The following FARSB variants were observed in gnomAD, a reference collection of about 807,000 sequenced individuals.
FARSB encodes the protein phenylalanine--tRNA ligase beta subunit.
In FARSB, 40 loss-of-function variants were observed where a neutral mutation model predicts 69.6. That is an observed-to-expected ratio of 0.57 (90% confidence interval 0.45 to 0.75). The LOEUF (loss-of-function observed/expected upper bound fraction) is 0.75, where lower values mean the gene tolerates loss of function less well. Ranked by LOEUF, FARSB falls within the 30% of genes least tolerant of loss-of-function variation. The probability of loss-of-function intolerance (pLI) is 0.00; values close to 1 mark genes in which losing one functional copy is unlikely to be tolerated. For synonymous variants in FARSB, 235 were observed against 247.2 expected, an observed-to-expected ratio of 0.95 and a Z score of 0.46; for missense variants, 632 against 722.9, an observed-to-expected ratio of 0.87 and a Z score of 1.44.
intron 1 of FARSB, among the ~76,000 whole-genome samples, chr2:222,652,738 T>C (rs1692070558): frequency 6.6e-6 from 1 of 152,206 alleles, no homozygotes; most frequent in Non-Finnish European, 1.5e-5. Context: ...TGCAATCTGG[T>C]AACAGATCCA....
intron 14 of FARSB, among the ~76,000 whole-genome samples, chr2:222,615,124 T>C (rs1203372999): frequency 4.6e-5 from 7 of 152,214 alleles, no homozygotes; most frequent in Non-Finnish European, 7.3e-5. Context: ...TCCTGCTTTG[T>C]CTGTAAAACA....
chr2:222,587,176 T>C (rs1690137877), intron 16 of FARSB, among the ~76,000 whole-genome samples: 1 of 152,160 alleles, frequency 6.6e-6, no homozygotes, highest in Non-Finnish European at 1.5e-5. Flanking sequence ...CACAGTGTAA[T>C]CAAATTAGAA....
At chr2:222,599,537 T>C (rs1690505942) in intron 16 of FARSB, among the ~76,000 whole-genome samples, 1 of 152,206 alleles carries the variant, frequency 6.6e-6, no homozygotes, top group African/African-American at 2.4e-5. Context: ...TTCTTTTGTC[T>C]TAAAGCCATC....
At position 222,570,296 on chromosome 2, in the gene FARSB, G is replaced by A. The variant is rs371715190; in HGVS notation, c.*1575C>T. On this transcript the variant is annotated 3_prime_UTR_variant, in exon 17 of 17. Transcript: ENST00000281828. ...ATGCATGCTGGATACAAGTCCTTTT[G>A]GCATGCATTATTTTTAGAGGGCATA... is the stretch of plus-strand genomic sequence containing the variant. 2.0e-4 allele frequency among the ~76,000 whole-genome samples: 30 copies of A among 152,122 alleles called. No homozygotes were observed. In the East Asian group the frequency reaches 3.3e-3, roughly 17 times the overall value.
intron 1 of FARSB, among the ~76,000 whole-genome samples, chr2:222,651,010 TG>T (rs1209221984): frequency 8.5e-5 from 13 of 152,216 alleles, no homozygotes; most frequent in African/African-American, 3.1e-4. Flanking sequence ...GGTGTACTGC[TG>T]TAACAAAAAT....
At chr2:222,610,962 G>A (rs905986734) in intron 15 of FARSB, among the ~76,000 whole-genome samples, 2 of 152,082 alleles carry the variant, frequency 1.3e-5, no homozygotes, top group South Asian at 4.1e-4. Flanking sequence ...TGCCTCCCCT[G>A]TTGTCCTCTA....
At chr2:222,643,073 T>C in intron 2 of FARSB, 68 bp from the exon 3 acceptor site, 2 of 972,598 alleles carry the variant, frequency 2.1e-6, no homozygotes, top group Non-Finnish European at 3.0e-6. Context: ...GTAAAAGTTG[T>C]CAGCCCTATA....
intron 15 of FARSB, 89 bp from the exon 16 acceptor site, chr2:222,600,172 C>A: frequency 1.8e-6 from 2 of 1,109,580 alleles, no homozygotes; most frequent in South Asian, 1.6e-5. Flanking sequence ...AAAAAGTCAA[C>A]AAAAAAGAAA....
At chr2:222,586,051 C>T (rs985746690) in intron 16 of FARSB, among the ~76,000 whole-genome samples, 1 of 152,058 alleles carries the variant, frequency 6.6e-6, no homozygotes, top group Non-Finnish European at 1.5e-5. Flanking sequence ...AACTCCAAGA[C>T]ATATAATTGT....
intron 16 of FARSB, among the ~76,000 whole-genome samples, chr2:222,577,846 G>A (rs922238164): frequency 2.0e-5 from 3 of 152,044 alleles, no homozygotes; most frequent in Admixed American, 6.5e-5. Context: ...GGGCAAATAC[G>A]AAATGATTAA....
intron 16 of FARSB, among the ~76,000 whole-genome samples, chr2:222,576,475 A>C (rs897595958): frequency 3.3e-5 from 5 of 152,172 alleles, no homozygotes; most frequent in Non-Finnish European, 7.3e-5. Context: ...TTTTAACTAT[A>C]CATAAGTCTC....
chr2:222,578,766 TC>T (rs1317992585), intron 16 of FARSB, among the ~76,000 whole-genome samples: 1 of 151,730 alleles, frequency 6.6e-6, no homozygotes, highest in Non-Finnish European at 1.5e-5. Flanking sequence ...GATCATGAGG[TC>T]AGGAGATCGA....
In FARSB at chr2:222,642,966, C is replaced by G; in HGVS notation, c.154G>C (p.Val52Leu). 1 of 1,610,666 alleles carries G rather than the reference C, an allele frequency of 6.2e-7. No individual in the cohort carries two copies. The highest frequency in any genetic ancestry group is 1.3e-5 in the African/African-American group (1 of 74,962). Residue 52 changes from valine (V) to leucine (L), a missense_variant, in exon 3 of 17, where the codon GTA (valine) becomes CTA (leucine). Val to Leu is a conservative substitution (Grantham distance 32). Transcript: ENST00000281828. Reference sequence around the variant, plus strand: ...ACATCAGAGGCTCCTGCTGCCTTTACATTACCTTGTTCTTTACTTATTATT... The same window carrying G: ...ACATCAGAGGCTCCTGCTGCCTTTAGATTACCTTGTTCTTTACTTATTATT... ...KEIISKEQGN[V>L]KAAGASDVVL...
chr2:222,643,510 C>T (rs1691773587), intron 2 of FARSB, among the ~76,000 whole-genome samples: 3 of 152,020 alleles, frequency 2.0e-5, no homozygotes, highest in East Asian at 1.9e-4. Context: ...TCACCAAGAA[C>T]ATAAAGTAAC....
chr2:222,571,688 A>G lies in FARSB; in HGVS notation c.*183T>C. ...CTTCACACACAGACACCACACTGGT[A>G]TATGGCACAAGCTGGCCTAATATGC... On this transcript the variant is annotated 3_prime_UTR_variant, in exon 17 of 17. Transcript: ENST00000281828. The G allele has an allele frequency of 1.8e-6, 1 of 558,444 alleles. No individual in the cohort carries two copies. The highest frequency in any genetic ancestry group is 3.2e-6 in the Non-Finnish European group (1 of 313,294). 34.6% of individuals were successfully genotyped at this position (558,444 alleles called of 1,614,324 possible).
intron 16 of FARSB, among the ~76,000 whole-genome samples, chr2:222,581,691 T>C (rs1214184356): frequency 6.6e-6 from 1 of 152,134 alleles, no homozygotes; most frequent in Non-Finnish European, 1.5e-5. Flanking sequence ...AAACAGCATA[T>C]GTATATCACG....
intron 16 of FARSB, among the ~76,000 whole-genome samples, chr2:222,576,552 A>C (rs1430831649): frequency 3.3e-5 from 5 of 152,194 alleles, no homozygotes; most frequent in Non-Finnish European, 7.3e-5. Flanking sequence ...GGCCAACTGA[A>C]TGTACTGTAA....
intron 15 of FARSB, among the ~76,000 whole-genome samples, chr2:222,605,273 T>A (rs1386873538): frequency 6.6e-6 from 1 of 151,966 alleles, no homozygotes; most frequent in Non-Finnish European, 1.5e-5. Flanking sequence ...CCTTTCATAC[T>A]ACTGACTTGC....
chr2:222,627,096 C>A (rs1218634135), intron 10 of FARSB, among the ~76,000 whole-genome samples: 1 of 152,084 alleles, frequency 6.6e-6, no homozygotes, highest in African/African-American at 2.4e-5. Flanking sequence ...TTAAAACCAT[C>A]TAAAAAGCTA....
Sources: allele counts gnomAD v4.1 joint callset (sites outside exome capture counted in the v4.1 genomes callset), GRCh38; gene constraint gnomAD v4.1.1; transcripts MANE v1.5; gene names NCBI Gene and HGNC (gene_info 2026-07-23, HGNC 2026-07-21).